Variants in HMCN2 observed in about 807,000 individuals in gnomAD.
HMCN2 encodes hemicentin-2.
HMCN2 carries 325 observed loss-of-function variants against 377.5 expected under a neutral mutation model. The observed-to-expected ratio is 0.86, with a 90% CI of 0.79 to 0.94. The LOEUF is 0.94. HMCN2 is among the 40% of genes least tolerant of loss of function. The pLI is 0.00. For missense variants in HMCN2, 4,543 were observed against 4,725.3 expected, an observed-to-expected ratio of 0.96 and a Z score of 1.13; for synonymous variants, 2,007 against 2,046.8, an observed-to-expected ratio of 0.98 and a Z score of 0.53.
chr9:130,395,371 G>T, intron 71 of HMCN2, 24 bp downstream of exon 71: 2 of 1,277,826 alleles, frequency 1.6e-6, no homozygotes, highest in East Asian at 5.6e-5. Flanking sequence ...AGGGCCCCAG[G>T]GTGCTGCCTT....
chr9:130,402,961 C>T (rs2131721912), intron 78 of HMCN2, 65 bp downstream of exon 78: 3 of 1,209,056 alleles, frequency 2.5e-6, no homozygotes, highest in South Asian at 1.3e-5. Context: ...GAGCCAGAGG[C>T]AGGTGGGGCT....
rs901195571 is a variant in HMCN2 at position 130,369,600 on chromosome 9, C to T, written c.6818C>T (p.Pro2273Leu). ...VPPQIAGPRE[P>L]PTQVSVVQDG... ...CCTCAGATTGCCGGTCCCCGGGAGC[C>T]TCCCACACAAGTCTCTGTGGTCCAG... Residue 2273 changes from proline to leucine, a missense_variant, in exon 45 of 98, where the codon CCT (proline) becomes CTT (leucine). Pro to Leu is a moderately conservative substitution (Grantham distance 98). This residue lies in a region of HMCN2 where 1,032 missense variants were observed against 1,285.1 expected (regional missense o/e 0.80). Coordinates refer to ENST00000683500, the MANE Select transcript of HMCN2 (RefSeq NM_001291815.2). The surrounding 1 kb of genome is among the most constrained non-coding windows in gnomAD (Gnocchi z 4.5). 2 of 985,796 alleles carry T rather than the reference C, an allele frequency of 2.0e-6. No homozygotes were observed. Among genetic ancestry groups the T allele is most frequent in the African/African-American group, 3.5e-5 (2 of 57,234 alleles). The allele number at this position is 985,796 out of a possible 1,614,324, so 61.1% of individuals were successfully genotyped here. A position where few individuals can be genotyped will look rare whatever the true frequency, so the allele number is the denominator to read the frequency against.
rs1839448252 is a variant in HMCN2 at position 130,347,449 on chromosome 9, C to T, written c.4024+89C>T. ...TCTTCCTCCCAGGACCGCATCCGGC[C>T]AGAGGCCCACAGTGAAGCCGGGGGT... is the stretch of plus-strand genomic sequence containing the variant. On this transcript the variant is annotated intron_variant, in intron 26 of 97. Transcript: ENST00000683500. The surrounding 1 kb of genome is among the most constrained non-coding windows in gnomAD (Gnocchi z 5.1). 6.6e-6 allele frequency: 1 copy of T among 152,226 alleles called. No homozygotes were observed. The highest frequency in any genetic ancestry group is 2.4e-5 in the African/African-American group (1 of 41,410). The allele number at this position is 152,226 out of a possible 1,614,324, so 9.4% of individuals were successfully genotyped here. A position where few individuals can be genotyped will look rare whatever the true frequency, so the allele number is the denominator to read the frequency against.
Position 130,403,248 on chromosome 9 carries a change from A to T in HMCN2, c.11933A>T (p.Glu3978Val). The T allele has an allele frequency of 7.8e-7, 1 of 1,289,640 alleles. No homozygotes were observed. The highest frequency in any genetic ancestry group is 1.2e-5 in the South Asian group (1 of 80,992). 79.9% of individuals were successfully genotyped at this position (1,289,640 alleles called of 1,614,324 possible). Reference protein sequence around the residue: ...PSVVRAVAEEEVLLPCEASGI... With the variant: ...PSVVRAVAEEVVLLPCEASGI... ...GTGGTTCGGGCAGTGGCAGAGGAGG[A>T]GGTGCTGCTGCCCTGCGAGGCCTCA... Residue 3978 changes from glutamate (E) to valine (V), a missense_variant, in exon 79 of 98, where the codon GAG (glutamate) becomes GTG (valine). Physicochemically the swap from Glu to Val is moderately radical, Grantham distance 121. This residue lies in a region of HMCN2 where 1,073 missense variants were observed against 1,319.5 expected (regional missense o/e 0.81). Transcript: ENST00000683500.
intron 41 of HMCN2, among the ~76,000 whole-genome samples, 198 bp downstream of exon 41, chr9:130,365,087 C>G (rs912627591): frequency 1.3e-5 from 2 of 152,238 alleles, no homozygotes; most frequent in African/African-American, 2.4e-5. Flanking sequence ...GGGTTAGAAC[C>G]TTCCTCACCT....
At position 130,396,161 on chromosome 9, in the gene HMCN2, C is replaced by T. The variant is rs1344306182; in HGVS notation, c.11054-8C>T. On this transcript the variant is annotated splice_region_variant and splice_polypyrimidine_tract_variant and intron_variant, in intron 72 of 97. Transcript: ENST00000683500. The stretch of plus-strand genomic sequence containing the variant: ...TCCCAGCACCACTCCCTCTGTGCCC[C>T]TCCCCAGCGGTGCCCACCATCCGGT... 6 of 1,267,418 alleles carry T rather than the reference C, an allele frequency of 4.7e-6. No homozygotes were observed. Among genetic ancestry groups the T allele is most frequent in the Non-Finnish European group, 6.2e-6 (6 of 971,584 alleles). The allele number at this position is 1,267,418 out of a possible 1,614,324, so 78.5% of individuals were successfully genotyped here.
Position 130,304,227 on chromosome 9 carries a change from A to G in HMCN2, c.1544-503A>G, listed in dbSNP as rs915580946. ...CCCTTTTAGGTTTTTTTCTATGTTC[A>G]GCAGTCTCTGATCTTGCCACTTCTT... On this transcript the variant is annotated intron_variant, in intron 10 of 97. Coordinates refer to ENST00000683500, the MANE Select transcript of HMCN2 (RefSeq NM_001291815.2). This position sits in a 1 kb window ranked among gnomAD's most constrained non-coding sequence, Gnocchi z 4.3. Among the ~76,000 whole-genome samples the G allele has an allele frequency of 1.3e-4, 20 of 152,186 alleles. No homozygotes were observed. Among genetic ancestry groups the G allele is most frequent in the African/African-American group, 4.8e-4 (20 of 41,448 alleles).
rs989774815 is a variant in HMCN2 at position 130,362,070 on chromosome 9, C to T, written c.6013C>T (p.Arg2005Trp). 1.6e-5 allele frequency: 16 copies of T among 985,938 alleles called. No individual in the cohort carries two copies. The highest frequency in any genetic ancestry group is 1.0e-4 in the African/African-American group (6 of 57,258). The allele number at this position is 985,938 out of a possible 1,614,324, so 61.1% of individuals were successfully genotyped here. ...PGPVLVNTPVRLTCNATGAPS... is the reference protein window; with the variant it reads ...PGPVLVNTPVWLTCNATGAPS... ...CCCTGTGTTGGTCAACACCCCTGTCCGGCTGACCTGCAATGCCACCGGTGC... is the reference window on the plus strand; with the variant it reads ...CCCTGTGTTGGTCAACACCCCTGTCTGGCTGACCTGCAATGCCACCGGTGC... Residue 2005 changes from arginine (R) to tryptophan (W), a missense_variant, in exon 39 of 98, where the codon CGG becomes TGG. By Grantham distance (101) the Arg-to-Trp change is moderately radical (BLOSUM62 -3). This residue lies in a region of HMCN2 where 1,032 missense variants were observed against 1,285.1 expected (regional missense o/e 0.80). Coordinates refer to ENST00000683500, the MANE Select transcript of HMCN2 (RefSeq NM_001291815.2).
chr9:130,397,074 G>A lies in HMCN2; in HGVS notation c.11199-454G>A, dbSNP rs528622652. 3.9e-5 allele frequency among the ~76,000 whole-genome samples: 6 copies of A among 152,268 alleles called. No individual in the cohort carries two copies. In the South Asian group the frequency reaches 6.2e-4, roughly 16 times the overall value. On this transcript the variant is annotated intron_variant, in intron 73 of 97. Coordinates refer to ENST00000683500, the MANE Select transcript of HMCN2 (RefSeq NM_001291815.2). ...AGCATCTGTATTAGGCCATTTTCACGTTGCTGATAAAGACATACCTGAGAC... is the reference window on the plus strand; with the variant it reads ...AGCATCTGTATTAGGCCATTTTCACATTGCTGATAAAGACATACCTGAGAC...
chr9:130,322,642 T>C (rs1837920086), intron 19 of HMCN2, among the ~76,000 whole-genome samples: 1 of 152,146 alleles, frequency 6.6e-6, no homozygotes, highest in South Asian at 2.1e-4. Context: ...TACCTACACA[T>C]TGTAGGTGAC....
chr9:130,317,958 G>A (rs1229788664), intron 15 of HMCN2, among the ~76,000 whole-genome samples: 4 of 152,206 alleles, frequency 2.6e-5, no homozygotes, highest in East Asian at 3.9e-4. Context: ...TGCAGCTGGG[G>A]AAGGTAGGCT....
chr9:130,399,747 A>C, intron 76 of HMCN2, 115 bp downstream of exon 76: 1 of 703,282 alleles, frequency 1.4e-6, no homozygotes, highest in Non-Finnish European at 2.0e-6. Context: ...GCTGCACTGG[A>C]CACCTCCTCC....
chr9:130,310,596 G>T (rs28970346), intron 15 of HMCN2, among the ~76,000 whole-genome samples: 87 of 92,294 alleles, frequency 9.4e-4, no homozygotes, highest in East Asian at 3.1e-3. Flanking sequence ...GGGCTACCCA[G>T]GGATGTGAAC....
chr9:130,356,118 G>T lies in HMCN2; in HGVS notation c.5286G>T (p.Glu1762Asp). 1 of 1,298,522 alleles carries T rather than the reference G, an allele frequency of 7.7e-7. No individual in the cohort carries two copies. The highest frequency in any genetic ancestry group is 1.0e-6 in the Non-Finnish European group (1 of 987,604). 80.4% of individuals were successfully genotyped at this position (1,298,522 alleles called of 1,614,324 possible). Residue 1762 changes from glutamate (E) to aspartate (D), a missense_variant, in exon 34 of 98, where the codon GAG (glutamate) becomes GAT (aspartate). Physicochemically the swap from Glu to Asp is conservative, Grantham distance 45. Coordinates refer to ENST00000683500, the MANE Select transcript of HMCN2 (RefSeq NM_001291815.2). The stretch of plus-strand genomic sequence containing the variant: ...TGCAGAATGGCCGCCCAGCCGAGGA[G>T]CTGGCTGGGGTGCAGGTGGCCTCGC... ...QWLQNGRPAE[E>D]LAGVQVASQG...
chr9:130,286,310 G>A lies in HMCN2; in HGVS notation c.612G>A (p.Glu204=), dbSNP rs1554927711. ...ACCTGGACAAGCAGCAAGTGACAGA[G>A]GTGAGCACTGGGAGGGGGCACCATC... The part of the protein sequence containing the change: ...VFHLDKQQVT[E]VLKWVESAIQ... Residue 204 remains glutamate (E), a splice_region_variant and synonymous_variant, in exon 4 of 98, where the codon GAG becomes GAA. Coordinates refer to ENST00000683500, the MANE Select transcript of HMCN2 (RefSeq NM_001291815.2). 4 of 470,828 alleles carry A rather than the reference G, an allele frequency of 8.5e-6. No homozygotes were observed. The highest frequency in any genetic ancestry group is 2.3e-5 in the Admixed American group (1 of 42,570). The allele number at this position is 470,828 out of a possible 1,614,324, so 29.2% of individuals were successfully genotyped here.
At chr9:130,379,600 T>G (rs984009936) in intron 54 of HMCN2, 133 bp downstream of exon 54, 1 of 264,190 alleles carries the variant, frequency 3.8e-6, no homozygotes. Flanking sequence ...ACAAGTTCTT[T>G]GCCTGTGTGA....
At chr9:130,381,736 C>T (rs1181768354) in intron 54 of HMCN2, among the ~76,000 whole-genome samples, 2 of 152,024 alleles carry the variant, frequency 1.3e-5, no homozygotes, top group Non-Finnish European at 2.9e-5. Flanking sequence ...CCTACCCCTA[C>T]TTCTACCCCC....
intron 94 of HMCN2, 65 bp from the exon 95 acceptor site, chr9:130,430,219 A>G: frequency 7.6e-7 from 1 of 1,323,762 alleles, no homozygotes; most frequent in Non-Finnish European, 1.0e-6. Context: ...AGGGCCAGGC[A>G]ATGGCTGCAG....
intron 1 of HMCN2, among the ~76,000 whole-genome samples, chr9:130,267,006 C>T (rs977978416): frequency 1.3e-5 from 2 of 151,960 alleles, no homozygotes; most frequent in Non-Finnish European, 2.9e-5. Flanking sequence ...AGTGCAGTGG[C>T]GTGATCACAG....
Sources: gnomAD v4.1 joint callset for allele counts (sites outside exome capture counted in the v4.1 genomes callset) on GRCh38, gnomAD v4.1.1 for gene constraint, gnomAD v4.1.1 regional missense constraint, Gnocchi (gnomAD v3.1) non-coding constraint, MANE v1.5 for transcripts, NCBI Gene and HGNC (gene_info 2026-07-23, HGNC 2026-07-21) for gene names.